Variants in EPHA6 observed in about 807,000 individuals in gnomAD.
EPHA6 encodes the protein ephrin type-A receptor 6.
EPHA6 carries 50 observed loss-of-function variants against 112.0 expected under a neutral mutation model. The observed-to-expected ratio is 0.45, with a 90% confidence interval of 0.36 to 0.56. The LOEUF (loss-of-function observed/expected upper bound fraction) is 0.56, where lower values mean the gene tolerates loss of function less well. Ranked by LOEUF, EPHA6 falls within the 20% of genes least tolerant of loss-of-function variation. EPHA6 has a pLI of 0.00. For synonymous variants in EPHA6, 529 were observed against 490.7 expected, an observed-to-expected ratio of 1.08 and a Z score of -1.03; for missense variants, 1,280 against 1,417.4, an observed-to-expected ratio of 0.90 and a Z score of 1.56.
At chr3:96,878,671 A>G (rs2037121334) in intron 2 of EPHA6, among the ~76,000 whole-genome samples, 1 of 152,040 alleles carries the variant, frequency 6.6e-6, no homozygotes, top group Admixed American at 6.6e-5. Context: ...GCCCCCAGCT[A>G]TGTTATGTCT....
intron 2 of EPHA6, among the ~76,000 whole-genome samples, chr3:96,915,131 A>T (rs183634722): frequency 2.0e-5 from 3 of 152,084 alleles, no homozygotes; most frequent in African/African-American, 7.2e-5. Context: ...TGAAATAAGG[A>T]TATGTCATTT....
At chr3:97,501,398 T>C (rs2092113825) in intron 10 of EPHA6, among the ~76,000 whole-genome samples, 1 of 152,042 alleles carries the variant, frequency 6.6e-6, no homozygotes, top group Admixed American at 6.6e-5. Context: ...AAAAATATAA[T>C]TGATCATGTT....
rs376478070 is a variant in EPHA6, at chr3:96,939,442, C to T, written c.451-47888C>T. Among the ~76,000 whole-genome samples, 308 of 152,194 alleles carry T rather than the reference C, an allele frequency of 2.0e-3. 2 individuals are homozygous for T. Among genetic ancestry groups the T allele is most frequent in the African/African-American group, 6.9e-3 (287 of 41,550 alleles). Reference sequence around the variant, plus strand: ...ATGGTAGTTTGTATTTCTGTGGGATCGGTGGTAATATCCCCTTTATCATTT... The same window carrying T: ...ATGGTAGTTTGTATTTCTGTGGGATTGGTGGTAATATCCCCTTTATCATTT... On this transcript the variant is annotated intron_variant, in intron 2 of 17. Transcript: ENST00000389672.
chr3:97,530,344 G>GA, intron 10 of EPHA6, among the ~76,000 whole-genome samples: 1 of 151,886 alleles, frequency 6.6e-6, no homozygotes, highest in East Asian at 1.9e-4. Flanking sequence ...TTAAGAAAAG[G>GA]AAAAATCTTA....
intron 5 of EPHA6, among the ~76,000 whole-genome samples, chr3:97,327,084 G>C (rs1178840986): frequency 6.6e-6 from 1 of 151,888 alleles, no homozygotes; most frequent in African/African-American, 2.4e-5. Flanking sequence ...GCCTGAAACC[G>C]GTAACCTTTA....
At chr3:97,696,579 C>T (rs2033054649) in intron 14 of EPHA6, among the ~76,000 whole-genome samples, 1 of 152,154 alleles carries the variant, frequency 6.6e-6, no homozygotes, top group South Asian at 2.1e-4. Flanking sequence ...AACCTCTAAG[C>T]TGGCCCCACC....
intron 7 of EPHA6, among the ~76,000 whole-genome samples, chr3:97,451,402 G>A (rs2090525814): frequency 6.6e-6 from 1 of 151,866 alleles, no homozygotes; most frequent in Admixed American, 6.6e-5. Flanking sequence ...GGCAGCAGAA[G>A]ATGGTGAAAA....
In EPHA6 at chr3:97,475,423, C is replaced by T. The variant is rs760641957; in HGVS notation, c.1966C>T (p.Leu656Phe). Residue 656 changes from leucine to phenylalanine, a missense_variant, in exon 8 of 18, where the codon CTC becomes TTC. This residue lies in a region of EPHA6 where 878 missense variants were observed against 999.7 expected (regional missense o/e 0.88). Coordinates refer to ENST00000389672, the MANE Select transcript of EPHA6 (RefSeq NM_001080448.3). The stretch of plus-strand genomic sequence containing the variant: ...CGCCGCTGTTGGCGGATTCACTCTC[C>T]TCGTCATCCTCACTTTATTCTTCTT... ...ATAAVGGFTL[L>F]VILTLFFLIT... is the part of the protein sequence containing the mutation. 5 of 1,611,972 alleles carry T rather than the reference C, an allele frequency of 3.1e-6. No homozygotes were observed. The South Asian group carries it at 5.5e-5, about 18-fold the overall frequency.
At chr3:97,175,723 T>A (rs961718437) in intron 3 of EPHA6, among the ~76,000 whole-genome samples, 1 of 152,040 alleles carries the variant, frequency 6.6e-6, no homozygotes, top group Admixed American at 6.6e-5. Context: ...TGCTATTGAT[T>A]TTTGTCTGTT....
At chr3:97,715,492 CA>C (rs1559622777) in intron 14 of EPHA6, among the ~76,000 whole-genome samples, 23 of 152,218 alleles carry the variant, frequency 1.5e-4, no homozygotes. Context: ...GAGAACAGAG[CA>C]AAAGTCTACA....
chr3:96,949,790 C>G (rs559847933), intron 2 of EPHA6, among the ~76,000 whole-genome samples: 1 of 152,064 alleles, frequency 6.6e-6, no homozygotes, highest in African/African-American at 2.4e-5. Flanking sequence ...CTTAAACTTA[C>G]TCTCTCTAGG....
intron 12 of EPHA6, among the ~76,000 whole-genome samples, chr3:97,595,854 C>T (rs2093584306): frequency 6.6e-6 from 1 of 150,816 alleles, no homozygotes; most frequent in South Asian, 2.1e-4. Context: ...ATTCTACCAC[C>T]TTGAAAAGAA....
chr3:97,511,212 GC>G (rs2092358315), intron 10 of EPHA6, among the ~76,000 whole-genome samples: 1 of 142,722 alleles, frequency 7.0e-6, no homozygotes, highest in Non-Finnish European at 1.5e-5. Flanking sequence ...CATTCCAGGT[GC>G]CACTGGGGTA....
At chr3:97,629,213 C>T (rs1406578053) in intron 13 of EPHA6, among the ~76,000 whole-genome samples, 3 of 152,000 alleles carry the variant, frequency 2.0e-5, no homozygotes, top group Non-Finnish European at 4.4e-5. Context: ...GAGATGTGAG[C>T]CACCATGCCT....
intron 14 of EPHA6, among the ~76,000 whole-genome samples, chr3:97,665,367 C>A (rs1301147477): frequency 1.3e-5 from 2 of 152,174 alleles, no homozygotes; most frequent in African/African-American, 4.8e-5. Context: ...CATAAAAACC[C>A]TAGAAGAAAA....
rs2047123472 is a variant in EPHA6, at chr3:97,093,061, G to C, written c.1114+105068G>C. Among the ~76,000 whole-genome samples, 3 of 152,092 alleles carry C rather than the reference G, an allele frequency of 2.0e-5. No individual in the cohort carries two copies. In the South Asian group the frequency reaches 6.2e-4, roughly 31 times the overall value. On this transcript the variant is annotated intron_variant, in intron 3 of 17. Transcript: ENST00000389672. ...AATATCTTGACCTGGAAGTGACACA[G>C]TCACCTTTATTCATTGGTGAGAACC... is the stretch of plus-strand genomic sequence containing the variant.
intron 14 of EPHA6, among the ~76,000 whole-genome samples, chr3:97,707,634 T>A (rs2033748597): frequency 6.6e-6 from 1 of 152,166 alleles, no homozygotes; most frequent in East Asian, 1.9e-4. Context: ...TTTTAATCAA[T>A]TTACCCCAGC....
intron 1 of EPHA6, among the ~76,000 whole-genome samples, chr3:96,835,231 G>A (rs187894382): frequency 8.5e-5 from 13 of 152,130 alleles, no homozygotes; most frequent in South Asian, 2.1e-4. Flanking sequence ...AGTCTTAGTC[G>A]TCTGTGAATT....
At chr3:97,574,651 T>C (rs533862884) in intron 11 of EPHA6, among the ~76,000 whole-genome samples, 30 of 152,270 alleles carry the variant, frequency 2.0e-4, no homozygotes, top group African/African-American at 6.0e-4. Flanking sequence ...AAGACTACTA[T>C]GAAATTATAT....
Sources: allele counts gnomAD v4.1 joint callset (sites outside exome capture counted in the v4.1 genomes callset), GRCh38; gene constraint gnomAD v4.1.1; regional missense constraint gnomAD v4.1.1; transcripts MANE v1.5; gene names NCBI Gene and HGNC (gene_info 2026-07-23, HGNC 2026-07-21).